Variants in ALK observed in about 807,000 individuals in gnomAD.
ALK encodes the protein ALK receptor tyrosine kinase, also known as ALK tyrosine kinase receptor.
ALK carries 74 observed loss-of-function variants against 163.1 expected under a neutral mutation model. The ratio of observed to expected loss-of-function variants is 0.45; its 90% CI spans 0.38 to 0.55. The LOEUF is 0.55. Ranked by LOEUF, ALK falls within the 20% of genes least tolerant of loss-of-function variation. The pLI, the probability that ALK is intolerant of heterozygous loss-of-function variation, is 0.00. For missense variants in ALK, 2,063 were observed against 2,105.3 expected, an observed-to-expected ratio of 0.98 and a Z score of 0.39; for synonymous variants, 960 against 843.2, an observed-to-expected ratio of 1.14 and a Z score of -2.40.
At chr2:29,879,201 A>G (rs1666796636) in intron 1 of ALK, among the ~76,000 whole-genome samples, 1 of 152,192 alleles carries the variant, frequency 6.6e-6, no homozygotes, top group African/African-American at 2.4e-5. Flanking sequence ...CCAGAGAATG[A>G]GAATCCCTCC....
At chr2:29,323,785 T>C (rs986951854) in intron 6 of ALK, among the ~76,000 whole-genome samples, 1 of 152,212 alleles carries the variant, frequency 6.6e-6, no homozygotes, top group South Asian at 2.1e-4. Context: ...GGATTGGGTC[T>C]AATGGTATCA....
At chr2:29,503,715 C>A (rs1029668165) in intron 4 of ALK, among the ~76,000 whole-genome samples, 1 of 152,102 alleles carries the variant, frequency 6.6e-6, no homozygotes, top group Non-Finnish European at 1.5e-5. Flanking sequence ...TCCCAGGCAA[C>A]ATGGCTGGGA....
intron 1 of ALK, chr2:29,907,331 C>G (rs1667578860): frequency 6.6e-6 from 1 of 152,158 alleles, no homozygotes; most frequent in African/African-American, 2.4e-5. Flanking sequence ...GCTGCTGAAC[C>G]CTCTGACATC....
intron 25 of ALK, among the ~76,000 whole-genome samples, chr2:29,208,922 A>T (rs565434705): frequency 4.6e-5 from 7 of 152,262 alleles, no homozygotes; most frequent in Admixed American, 1.3e-4. Context: ...TGAAAAAAAA[A>T]ATAATTTTTA....
rs966891666 is a variant in ALK, at chr2:29,692,892, G to T, written c.952+1958C>A. Among the ~76,000 whole-genome samples, 3 of 152,274 alleles carry T rather than the reference G, an allele frequency of 2.0e-5. 1 individual carries two copies. Among genetic ancestry groups the T allele is most frequent in the Admixed American group, 2.0e-4 (3 of 15,304 alleles). On this transcript the variant is annotated intron_variant, in intron 3 of 28. Transcript: ENST00000389048. ...ATCAATTGTGATATTTTTATGCAAA[G>T]GATTAATATAGTACCAAAAGCAAAT...
intron 1 of ALK, among the ~76,000 whole-genome samples, chr2:29,910,370 A>G (rs901937780): frequency 1.3e-5 from 2 of 152,190 alleles, no homozygotes; most frequent in African/African-American, 4.8e-5. Flanking sequence ...CAGACCCTTA[A>G]TAAAGTACGG....
At chr2:29,810,942 C>G (rs931175301) in intron 1 of ALK, among the ~76,000 whole-genome samples, 8 of 152,074 alleles carry the variant, frequency 5.3e-5, no homozygotes, top group African/African-American at 9.7e-5. Context: ...AGTGAAAAGG[C>G]TGCTGTCTGC....
At chr2:29,635,394 G>A (rs993804831) in intron 3 of ALK, among the ~76,000 whole-genome samples, 1 of 152,132 alleles carries the variant, frequency 6.6e-6, no homozygotes, top group African/African-American at 2.4e-5. Flanking sequence ...GTCCTTACAA[G>A]AGAGAGGCAG....
At position 29,222,375 on chromosome 2, in the gene ALK, G is replaced by A. The variant is rs2148168637; in HGVS notation, c.3484C>T (p.Leu1162=). 6.2e-7 allele frequency: 1 copy of A among 1,614,132 alleles called. No individual in the cohort carries two copies. ...ATCAGGGCTTCCATGAGGAAATCCAGTTCGTCCTGTTCAGAGCACACTTCA... is the reference window on the plus strand; with the variant it reads ...ATCAGGGCTTCCATGAGGAAATCCAATTCGTCCTGTTCAGAGCACACTTCA... ...LPEVCSEQDE[L]DFLMEALIIS... is the part of the protein sequence containing the mutation. Residue 1162 remains leucine, a synonymous_variant, in exon 22 of 29, where the codon CTG becomes TTG. Transcript: ENST00000389048.
intron 4 of ALK, among the ~76,000 whole-genome samples, chr2:29,440,899 T>C (rs1670524042): frequency 1.3e-5 from 2 of 152,238 alleles, no homozygotes; most frequent in South Asian, 4.1e-4. Flanking sequence ...GTGTATGGAC[T>C]CTGATTTGAG....
intron 2 of ALK, among the ~76,000 whole-genome samples, chr2:29,710,047 T>C (rs1021513251): frequency 6.6e-6 from 1 of 152,190 alleles, no homozygotes; most frequent in Non-Finnish European, 1.5e-5. Flanking sequence ...GCAAGGTAAT[T>C]GAATCATGGG....
intron 5 of ALK, among the ~76,000 whole-genome samples, chr2:29,335,177 A>G (rs1271671689): frequency 6.6e-6 from 1 of 152,254 alleles, no homozygotes; most frequent in African/African-American, 2.4e-5. Context: ...AAATGCCCTA[A>G]TAGGCAAAAG....
At chr2:29,680,150 T>C (rs1056552185) in intron 3 of ALK, among the ~76,000 whole-genome samples, 16 of 152,002 alleles carry the variant, frequency 1.1e-4, no homozygotes, top group Admixed American at 3.3e-4. Context: ...ATGATATGTC[T>C]AGATGTAGAT....
At chr2:29,551,713 T>C (rs1673718714) in intron 3 of ALK, among the ~76,000 whole-genome samples, 1 of 152,154 alleles carries the variant, frequency 6.6e-6, no homozygotes, top group African/African-American at 2.4e-5. Flanking sequence ...AATAAATATA[T>C]GACTCTACAC....
intron 8 of ALK, among the ~76,000 whole-genome samples, chr2:29,301,056 C>T (rs1286016703): frequency 6.6e-6 from 1 of 152,128 alleles, no homozygotes; most frequent in African/African-American, 2.4e-5. Context: ...TTCCAGTGAC[C>T]AGAGAAGTAG....
At chr2:29,765,042 G>A (rs904954482) in intron 1 of ALK, among the ~76,000 whole-genome samples, 10 of 152,248 alleles carry the variant, frequency 6.6e-5, no homozygotes, top group African/African-American at 2.4e-4. Context: ...GGCCACATAT[G>A]ACGTGCCTGC....
chr2:29,866,501 CCTGT>C (rs1666437078), intron 1 of ALK, among the ~76,000 whole-genome samples: 1 of 152,050 alleles, frequency 6.6e-6, no homozygotes, highest in Non-Finnish European at 1.5e-5. Flanking sequence ...TTTAGCGGAC[CCTGT>C]CTAAGAACCC....
intron 3 of ALK, among the ~76,000 whole-genome samples, chr2:29,600,627 T>A (rs921143503): frequency 6.6e-6 from 1 of 152,182 alleles, no homozygotes; most frequent in African/African-American, 2.4e-5. Flanking sequence ...GCTGCTCACG[T>A]GCTCAGGACT....
chr2:29,289,160 TC>T (rs1260763177), intron 9 of ALK, among the ~76,000 whole-genome samples: 3 of 152,062 alleles, frequency 2.0e-5, no homozygotes, highest in African/African-American at 7.2e-5. Flanking sequence ...GATGCTTGGT[TC>T]AGTGAGAATG....
Sources: gnomAD v4.1 joint callset for allele counts (sites outside exome capture counted in the v4.1 genomes callset) on GRCh38, gnomAD v4.1.1 for gene constraint, MANE v1.5 for transcripts, NCBI Gene and HGNC (gene_info 2026-07-23, HGNC 2026-07-21) for gene names.